Variants in ATRX observed in about 807,000 individuals in gnomAD.
ATRX encodes ATRX chromatin remodeler.
A neutral mutation model predicts 172.6 loss-of-function variants in ATRX; 12 were observed. The observed-to-expected ratio is 0.07, with a 90% CI of 0.04 to 0.11. ATRX has a LOEUF of 0.11. Ranked by LOEUF, ATRX falls within the 10% of genes least tolerant of loss-of-function variation. The pLI, the probability that ATRX is intolerant of heterozygous loss-of-function variation, is 1.00. For missense variants in ATRX, 1,368 were observed against 1,767.4 expected (o/e 0.77, Z 4.05); for synonymous variants, 674 against 594.7 (o/e 1.13, Z -1.94).
chrX:77,542,814 A>T (rs1273062399), intron 30 of ATRX, among the ~76,000 whole-genome samples: 1 of 112,291 alleles, frequency 8.9e-6, no homozygotes, highest in Non-Finnish European at 1.9e-5. Context: ...TACAAAAATT[A>T]AGTCAATATG....
intron 19 of ATRX, among the ~76,000 whole-genome samples, chrX:77,621,884 T>C (rs1203146131): frequency 9.5e-6 from 1 of 104,838 alleles, no homozygotes; most frequent in Non-Finnish European, 1.9e-5. Flanking sequence ...AACTAATATT[T>C]TGTAAAACTA....
chrX:77,651,123 A>G (rs1223037205), intron 15 of ATRX, among the ~76,000 whole-genome samples: 1 of 102,898 alleles, frequency 9.7e-6, no homozygotes, highest in African/African-American at 3.5e-5. Flanking sequence ...AGGCTGAGAC[A>G]GGAGAATCAC....
chrX:77,605,566 C>A (rs782797593), intron 22 of ATRX, among the ~76,000 whole-genome samples: 2 of 111,390 alleles, frequency 1.8e-5, no homozygotes, highest in South Asian at 3.8e-4. Context: ...ATTCAAAAAA[C>A]CATGAATACC....
At chrX:77,703,370 A>G (rs2148703049) in intron 2 of ATRX, among the ~76,000 whole-genome samples, 1 of 113,037 alleles carries the variant, frequency 8.8e-6, no homozygotes, top group East Asian at 2.8e-4. Flanking sequence ...GTCACTGCGC[A>G]ATCAGACATC....
chrX:77,540,167 T>C (rs1369704075), intron 30 of ATRX, among the ~76,000 whole-genome samples: 5 of 111,481 alleles, frequency 4.5e-5, no homozygotes, highest in Non-Finnish European at 9.4e-5. Context: ...GTTGCAATGC[T>C]AATCTCGGAT....
At chrX:77,585,490 C>G (rs1393656173) in intron 27 of ATRX, among the ~76,000 whole-genome samples, 1 of 97,093 alleles carries the variant, frequency 1.0e-5, no homozygotes, top group Admixed American at 1.2e-4. Flanking sequence ...GTGGGAGAAT[C>G]CCTTGAACTC....
intron 1 of ATRX, among the ~76,000 whole-genome samples, chrX:77,758,757 C>CAA (rs35836652): frequency 9.4e-4 from 91 of 97,005 alleles, no homozygotes; most frequent in Admixed American, 2.1e-3. Context: ...GATTCCATCT[C>CAA]AAAAAAAAAA....
intron 17 of ATRX, 186 bp downstream of exon 17, chrX:77,634,408 A>ATTT (rs2068253252): frequency 9.6e-6 from 4 of 414,784 alleles, no homozygotes; most frequent in Non-Finnish European, 1.3e-5. Flanking sequence ...TTCTGAAAGT[A>ATTT]CATATTTCTT....
chrX:77,770,041 G>A (rs1557198244), intron 1 of ATRX, among the ~76,000 whole-genome samples: 1 of 110,791 alleles, frequency 9.0e-6, no homozygotes, highest in African/African-American at 3.3e-5. Flanking sequence ...CTGAGATTGT[G>A]CCAATGCACT....
intron 1 of ATRX, among the ~76,000 whole-genome samples, chrX:77,724,928 C>A (rs1279410803): frequency 8.9e-6 from 1 of 112,096 alleles, no homozygotes; most frequent in East Asian, 2.8e-4. Flanking sequence ...AACCAAGTAT[C>A]TGAAAGGCAG....
At chrX:77,670,791 CA>C (rs1241803923) in intron 10 of ATRX, among the ~76,000 whole-genome samples, 3 of 104,670 alleles carry the variant, frequency 2.9e-5, no homozygotes, top group Non-Finnish European at 5.9e-5. Context: ...TGGAATTCTT[CA>C]AAATTCATAT....
At chrX:77,597,932 T>C (rs183604042) in intron 25 of ATRX, among the ~76,000 whole-genome samples, 75 of 112,233 alleles carry the variant, frequency 6.7e-4, no homozygotes, top group African/African-American at 2.3e-3. Context: ...GCAATCTCAT[T>C]ACAAGTATAA....
intron 19 of ATRX, among the ~76,000 whole-genome samples, chrX:77,629,172 A>G (rs1417823797): frequency 2.7e-5 from 3 of 112,372 alleles, no homozygotes; most frequent in African/African-American, 9.7e-5. Flanking sequence ...TTGAACTTCA[A>G]TTTAGACTTT....
chrX:77,760,800 T>TA (rs1158115569), intron 1 of ATRX, among the ~76,000 whole-genome samples: 4 of 111,477 alleles, frequency 3.6e-5, no homozygotes, highest in Non-Finnish European at 5.7e-5. Context: ...ACTTAAATAA[T>TA]AAAAAAATAG....
At chrX:77,632,879 G>A (rs782371488) in intron 19 of ATRX, among the ~76,000 whole-genome samples, 54 of 111,817 alleles carry the variant, frequency 4.8e-4, no homozygotes, top group Non-Finnish European at 4.0e-4. Context: ...TCAGGATATG[G>A]AGAGAGCTCT....
At position 77,721,534 on chromosome X, in the gene ATRX, G is replaced by C. The variant is rs1350950123; in HGVS notation, c.21-4291C>G. Among the ~76,000 whole-genome samples, 3 of 110,963 alleles carry C rather than the reference G, an allele frequency of 2.7e-5. No homozygotes were observed. In the Admixed American group the frequency reaches 2.9e-4, roughly 11 times the overall value. ...CAAGCATTCTTATACAACAATAACA[G>C]ATAGAGAGCCAAATCATGAGTGAAT... On this transcript the variant is annotated intron_variant, in intron 1 of 34. Coordinates refer to ENST00000373344, the MANE Select transcript of ATRX (RefSeq NM_000489.6).
At chrX:77,612,608 T>A (rs1416778257) in intron 22 of ATRX, among the ~76,000 whole-genome samples, 1 of 111,471 alleles carries the variant, frequency 9.0e-6, no homozygotes, top group Non-Finnish European at 1.9e-5. Context: ...AAATAAAAAA[T>A]TTACTGTTTT....
At chrX:77,694,446 T>C (rs1170581354) in intron 5 of ATRX, among the ~76,000 whole-genome samples, 2 of 111,427 alleles carry the variant, frequency 1.8e-5, no homozygotes, top group East Asian at 5.6e-4. Flanking sequence ...CTATTACTCC[T>C]GTATCTATAC....
intron 6 of ATRX, among the ~76,000 whole-genome samples, chrX:77,692,846 A>AGTGTGTGTGTGTGTGT (rs3063059): frequency 4.5e-4 from 37 of 82,105 alleles, no homozygotes; most frequent in South Asian, 7.4e-4. Flanking sequence ...CCAATATTAG[A>AGTGTGTGTGTGTGTGT]GTGTGTGTGT....
Sources: gnomAD v4.1 joint callset for allele counts (sites outside exome capture counted in the v4.1 genomes callset) on GRCh38, gnomAD v4.1.1 for gene constraint, MANE v1.5 for transcripts, NCBI Gene and HGNC (gene_info 2026-07-23, HGNC 2026-07-21) for gene names.